LRRC74A: variants seen among roughly 807,000 people sequenced by gnomAD.
LRRC74A encodes leucine rich repeat containing 74A.
In LRRC74A, 44 loss-of-function variants were observed where a neutral mutation model predicts 57.9. The observed-to-expected ratio is 0.76, with a 90% confidence interval of 0.60 to 0.98. The LOEUF (loss-of-function observed/expected upper bound fraction) is 0.98, where lower values mean the gene tolerates loss of function less well. Among genes scored for constraint, LRRC74A ranks in the 50% least tolerant of loss-of-function variants. The pLI, the probability that LRRC74A is intolerant of heterozygous loss-of-function variation, is 0.00. For missense variants in LRRC74A, 572 were observed against 574.0 expected (o/e 1.00, Z 0.04); for synonymous variants, 211 against 219.4 (o/e 0.96, Z 0.34).
intron 3 of LRRC74A, 78 bp from the exon 4 acceptor site, chr14:76,836,129 T>G: frequency 1.9e-6 from 2 of 1,052,764 alleles, no homozygotes; most frequent in Non-Finnish European, 2.9e-6. Flanking sequence ...TTCACATGGC[T>G]GGCCCAGGGC....
intron 2 of LRRC74A, among the ~76,000 whole-genome samples, chr14:76,830,523 A>G (rs549422566): frequency 2.4e-3 from 371 of 152,380 alleles, no homozygotes; most frequent in African/African-American, 8.6e-3. Flanking sequence ...ATTTGAGGCT[A>G]GGTTTGTCGT....
At chr14:76,854,452 A>G (rs981847972) in intron 9 of LRRC74A, among the ~76,000 whole-genome samples, 1 of 152,184 alleles carries the variant, frequency 6.6e-6, no homozygotes, top group Non-Finnish European at 1.5e-5. Flanking sequence ...TACTAAAAAT[A>G]CAAAATTAGC....
chr14:76,850,947 T>C (rs1897440664), intron 7 of LRRC74A, among the ~76,000 whole-genome samples: 1 of 152,112 alleles, frequency 6.6e-6, no homozygotes, highest in African/African-American at 2.4e-5. Context: ...ATCCTCCCAT[T>C]CAGTAATGGT....
rs1011673726 is a variant in LRRC74A at position 76,860,587 on chromosome 14, C to A, written c.1054-106C>A. On this transcript the variant is annotated intron_variant, in intron 10 of 13. Transcript: ENST00000689127. ...AGCACTGAGAACAAACTGGAAGAGA[C>A]AAAACTTCCTGACTTTGGCTTGGGT... 4.2e-6 allele frequency: 5 copies of A among 1,183,644 alleles called. No individual in the cohort carries two copies. In the African/African-American group the frequency reaches 8.0e-5, roughly 19 times the overall value. The allele number at this position is 1,183,644 out of a possible 1,614,324, so 73.3% of individuals were successfully genotyped here. A position where few individuals can be genotyped will look rare whatever the true frequency, so the allele number is the denominator to read the frequency against.
chr14:76,839,164 A>G (rs1399824622), intron 5 of LRRC74A, among the ~76,000 whole-genome samples: 2 of 152,138 alleles, frequency 1.3e-5, no homozygotes, highest in African/African-American at 4.8e-5. Flanking sequence ...TTGTACATGT[A>G]TCTTTTAGGC....
At chr14:76,830,548 T>A (rs1313164657) in intron 2 of LRRC74A, among the ~76,000 whole-genome samples, 2 of 152,260 alleles carry the variant, frequency 1.3e-5, no homozygotes, top group African/African-American at 2.4e-5. Context: ...AAAGCAAGGA[T>A]GACAGTCCTT....
chr14:76,844,805 T>G lies in LRRC74A; in HGVS notation c.595-15T>G. The G allele has an allele frequency of 1.4e-6, 2 of 1,409,804 alleles. No homozygotes were observed. The highest frequency in any genetic ancestry group is 2.0e-6 in the Non-Finnish European group (2 of 995,342). The allele number at this position is 1,409,804 out of a possible 1,614,324, so 87.3% of individuals were successfully genotyped here. On this transcript the variant is annotated splice_polypyrimidine_tract_variant and intron_variant, in intron 6 of 13. Transcript: ENST00000689127. ...AGACAAAAAATCCTTCTCTTTCCCC[T>G]GTTTGTTTCTGTAGACCAATTACCA...
intron 9 of LRRC74A, among the ~76,000 whole-genome samples, chr14:76,855,501 A>C (rs1897815792): frequency 6.6e-6 from 1 of 152,234 alleles, no homozygotes. Context: ...AAAATGTTTT[A>C]GAAGTAAAAG....
chr14:76,833,287 G>T (rs1460148322), intron 3 of LRRC74A, among the ~76,000 whole-genome samples: 1 of 152,092 alleles, frequency 6.6e-6, no homozygotes, highest in Admixed American at 6.6e-5. Flanking sequence ...GCTCCAAAAA[G>T]TCTTGAAATA....
chr14:76,847,575 ATAAC>A (rs35077935), intron 7 of LRRC74A, among the ~76,000 whole-genome samples: 17,080 of 152,036 alleles, frequency 0.11, 1,114 homozygotes, highest in Non-Finnish European at 0.14. Context: ...AACGGGAAAA[ATAAC>A]TGAGTACTAG....
intron 8 of LRRC74A, among the ~76,000 whole-genome samples, chr14:76,852,818 C>T (rs1248376350): frequency 6.6e-6 from 1 of 152,002 alleles, no homozygotes; most frequent in Non-Finnish European, 1.5e-5. Flanking sequence ...GGGGTTGTAC[C>T]ATGTTGGCCA....
At chr14:76,852,241 C>A (rs1897547764) in intron 7 of LRRC74A, 124 bp from the exon 8 acceptor site, 1 of 632,644 alleles carries the variant, frequency 1.6e-6, no homozygotes, top group Non-Finnish European at 2.7e-6. Flanking sequence ...AAATTATTAT[C>A]TGAGAATTTT....
At chr14:76,828,241 G>T (rs760202231) in intron 1 of LRRC74A, 50 bp from the exon 2 acceptor site, 12 of 1,545,468 alleles carry the variant, frequency 7.8e-6, no homozygotes, top group Non-Finnish European at 9.6e-6. Flanking sequence ...TTTATTGGGA[G>T]GCCAGCAAGT....
chr14:76,837,574 T>G (rs1158122662), intron 4 of LRRC74A, among the ~76,000 whole-genome samples: 1 of 152,202 alleles, frequency 6.6e-6, no homozygotes, highest in African/African-American at 2.4e-5. Context: ...CAAAATAGTA[T>G]GCTTATCTGA....
chr14:76,836,414 G>T, intron 4 of LRRC74A, 100 bp downstream of exon 4: 1 of 793,286 alleles, frequency 1.3e-6, no homozygotes, highest in Non-Finnish European at 2.0e-6. Flanking sequence ...GCTGCCTCCA[G>T]GCTCCTGCCC....
In LRRC74A at chr14:76,867,431, A is replaced by C; in HGVS notation, c.1384A>C (p.Asn462His). The change falls in exon 13 of 14, where the codon AAC becomes CAC. Residue 462 changes from asparagine (N) to histidine (H), a missense_variant. Asn to His is a moderately conservative substitution (Grantham distance 68). Coordinates refer to ENST00000689127, the MANE Select transcript of LRRC74A (RefSeq NM_001385106.1). ...KKLDEKTGMV[N>H]FSFLNTMKP is the part of the protein sequence containing the mutation. ...GCTCGATGAGAAGACAGGCATGGTG[A>C]ACTTCAGGTCAGCCCAGGCCCCGCG... 1 of 1,584,732 alleles carries C rather than the reference A, an allele frequency of 6.3e-7. No individual in the cohort carries two copies. The highest frequency in any genetic ancestry group is 1.3e-5 in the African/African-American group (1 of 74,284).
At chr14:76,850,975 T>C (rs1439272237) in intron 7 of LRRC74A, among the ~76,000 whole-genome samples, 1 of 152,248 alleles carries the variant, frequency 6.6e-6, no homozygotes, top group Non-Finnish European at 1.5e-5. Context: ...GACTTTAGCC[T>C]TTCCATCAAT....
intron 13 of LRRC74A, among the ~76,000 whole-genome samples, chr14:76,868,614 C>T (rs1899148712): frequency 6.6e-6 from 1 of 152,170 alleles, no homozygotes; most frequent in Admixed American, 6.5e-5. Flanking sequence ...ACAGTTGCCC[C>T]TGCCAAGCCT....
At chr14:76,859,625 T>G (rs1238882792) in intron 10 of LRRC74A, among the ~76,000 whole-genome samples, 1 of 148,370 alleles carries the variant, frequency 6.7e-6, no homozygotes, top group East Asian at 1.9e-4. Flanking sequence ...ACAGTGGCAC[T>G]TAATAAGCCT....
Sources: gnomAD v4.1 joint callset for allele counts (sites outside exome capture counted in the v4.1 genomes callset) on GRCh38, gnomAD v4.1.1 for gene constraint, MANE v1.5 for transcripts, NCBI Gene and HGNC (gene_info 2026-07-23, HGNC 2026-07-21) for gene names.